The following PIF1 variants were observed in gnomAD, a reference collection of about 807,000 sequenced individuals.
PIF1 encodes PIF1 5'-to-3' DNA helicase, also known as ATP-dependent DNA helicase PIF1.
Under a neutral mutation model 62.3 loss-of-function variants are expected in PIF1, and 67 were observed. That is an observed-to-expected ratio of 1.08 (90% CI 0.88 to 1.32). The LOEUF is 1.32. Among genes scored for constraint, PIF1 ranks in the 40% most tolerant of loss-of-function variants. The probability of loss-of-function intolerance (pLI) is 0.00; values close to 1 mark genes in which losing one functional copy is unlikely to be tolerated. For missense variants in PIF1, 886 were observed against 866.1 expected (o/e 1.02, Z -0.29); for synonymous variants, 364 against 379.5 (o/e 0.96, Z 0.47).
At position 64,822,350 on chromosome 15, in the gene PIF1, G is replaced by C. The variant is rs2084302143; in HGVS notation, c.733C>G (p.Leu245Val). ...SYLLKRILGS[L>V]PPTGTVATAS... ...GTGGCCACAGTGCCTGTGGGGGGCA[G>C]TGAGCCCAGGATTCGCTTTAGCAGA... is the stretch of plus-strand genomic sequence containing the variant. The change falls in exon 4 of 13, where the codon CTG (leucine) becomes GTG (valine). Residue 245 changes from leucine (L) to valine (V), a missense_variant. Leu to Val is a conservative substitution (Grantham distance 32). Coordinates refer to ENST00000559239, the MANE Select transcript of PIF1 (RefSeq NM_001286496.2). 6.2e-7 allele frequency: 1 copy of C among 1,613,814 alleles called. No homozygotes were observed. The highest frequency in any genetic ancestry group is 1.1e-5 in the South Asian group (1 of 91,088).
Position 64,819,862 on chromosome 15 carries a change from G to A in PIF1, c.1318C>T (p.Leu440Phe). Residue 440 changes from leucine to phenylalanine, a missense_variant, in exon 8 of 13, where the codon CTT becomes TTT. Transcript: ENST00000559239. ...CCCTGCTCACCTGGCAGCTCCTGAA[G>A]CCGCCTCTCGTTGGTGAGGGCCACA... Reference protein sequence around the residue: ...DDVALTNERRLQELPGKVHRF... With the variant: ...DDVALTNERRFQELPGKVHRF... 2 of 1,613,496 alleles carry A rather than the reference G, an allele frequency of 1.2e-6. No homozygotes were observed. The highest frequency in any genetic ancestry group is 1.7e-6 in the Non-Finnish European group (2 of 1,180,030).
intron 11 of PIF1, 26 bp downstream of exon 11, chr15:64,817,920 T>TCCCTGC: frequency 6.3e-7 from 1 of 1,594,726 alleles, no homozygotes; most frequent in Non-Finnish European, 8.5e-7. Context: ...GCCCTCCCTG[T>TCCCTGC]CCCTGCCCCC....
In PIF1 at chr15:64,822,384, C is replaced by T. The variant is rs984009166; in HGVS notation, c.699G>A (p.Gly233=). Residue 233 remains glycine, a synonymous_variant, in exon 4 of 13, where the codon GGG becomes GGA. Coordinates refer to ENST00000559239, the MANE Select transcript of PIF1 (RefSeq NM_001286496.2). ...GGATTCGCTTTAGCAGATATGACTT[C>T]CCTGTTCCTGGACAGGGGCAAAGTT... ...SIFFTGSAGT[G]KSYLLKRILG... The T allele has an allele frequency of 6.2e-7, 1 of 1,614,130 alleles. No homozygotes were observed. The highest frequency in any genetic ancestry group is 1.3e-5 in the African/African-American group (1 of 75,046).
In PIF1 at chr15:64,821,174, C is replaced by T. The variant is rs1286693524; in HGVS notation, c.1079G>A (p.Cys360Tyr). Reference protein sequence around the residue: ...VTKGSQPPRFCFQSKSWKRCV... With the variant: ...VTKGSQPPRFYFQSKSWKRCV... ...CTAGGAGGTGAGTAATACCTGGAAG[C>T]AGAACCGTGGGGGCTGGGAGCCCTT... The change falls in exon 6 of 13, where the codon TGC (cysteine) becomes TAC (tyrosine). Residue 360 changes from cysteine (C) to tyrosine (Y), a missense_variant. Transcript: ENST00000559239. 2 of 1,614,064 alleles carry T rather than the reference C, an allele frequency of 1.2e-6. No individual in the cohort carries two copies. Among genetic ancestry groups the T allele is most frequent in the African/African-American group, 2.7e-5 (2 of 74,942 alleles).
chr15:64,815,768 T>C lies in PIF1; in HGVS notation c.*530A>G, dbSNP rs1283097847. The C allele has an allele frequency of 4.5e-6, 7 of 1,550,516 alleles. No individual in the cohort carries two copies. The East Asian group carries it at 1.5e-4, about 32-fold the overall frequency. On this transcript the variant is annotated 3_prime_UTR_variant, in exon 13 of 13. Transcript: ENST00000559239. The stretch of plus-strand genomic sequence containing the variant: ...TGCACATTTTGCAGCTTATGTTCTT[T>C]GGTTAGGCTCTGAAGGGTGTTTGTT...
Position 64,824,283 on chromosome 15 carries a change from C to G in PIF1, c.53G>C (p.Arg18Pro). The G allele has an allele frequency of 1.6e-6, 2 of 1,271,590 alleles. No homozygotes were observed. Among genetic ancestry groups the G allele is most frequent in the Non-Finnish European group, 9.9e-7 (1 of 1,007,172 alleles). 78.8% of individuals were successfully genotyped at this position (1,271,590 alleles called of 1,614,324 possible). A position where few individuals can be genotyped will look rare whatever the true frequency, so the allele number is the denominator to read the frequency against. The change falls in exon 2 of 13, where the codon CGG (arginine) becomes CCG (proline). Residue 18 changes from arginine to proline, a missense_variant. Transcript: ENST00000559239. ...CAGCTCCTCCACAGCCACGCGGCAC[C>G]GCAGCTCCGAGTCCTCATATTCCCC... The part of the protein sequence containing the change: ...AAGEYEDSEL[R>P]CRVAVEELSP...
Position 64,822,329 on chromosome 15 carries a change from C to T in PIF1, c.754G>A (p.Ala252Thr). 2 of 1,612,584 alleles carry T rather than the reference C, an allele frequency of 1.2e-6. No homozygotes were observed. The highest frequency in any genetic ancestry group is 1.7e-6 in the Non-Finnish European group (2 of 1,179,928). Reference protein sequence around the residue: ...LGSLPPTGTVATASTGVAACH... With the variant: ...LGSLPPTGTVTTASTGVAACH... ...GCTGCCACCCCAGTGCTGGCAGTGGCCACAGTGCCTGTGGGGGGCAGTGAG... is the reference window on the plus strand; with the variant it reads ...GCTGCCACCCCAGTGCTGGCAGTGGTCACAGTGCCTGTGGGGGGCAGTGAG... The change falls in exon 4 of 13, where the codon GCC (alanine) becomes ACC (threonine). Residue 252 changes from alanine to threonine, a missense_variant. By Grantham distance (58) the Ala-to-Thr change is moderately conservative (BLOSUM62 0). Transcript: ENST00000559239.
chr15:64,819,380 G>A (rs1315285992), intron 8 of PIF1, among the ~76,000 whole-genome samples, 157 bp from the exon 9 acceptor site: 2 of 152,204 alleles, frequency 1.3e-5, no homozygotes, highest in East Asian at 1.9e-4. Context: ...GCGTGATCTC[G>A]GCTCACTGCA....
upstream of PIF1, among the ~76,000 whole-genome samples, chr15:64,826,417 T>A (rs1180277231): frequency 2.0e-5 from 3 of 151,310 alleles, no homozygotes; most frequent in Non-Finnish European, 4.4e-5. Context: ...CTACCATGGA[T>A]TAAATTGCCC....
chr15:64,815,821 G>A lies in PIF1; in HGVS notation c.*477C>T, dbSNP rs1366457080. The A allele has an allele frequency of 3.9e-6, 6 of 1,550,514 alleles. No individual in the cohort carries two copies. Among genetic ancestry groups the A allele is most frequent in the East Asian group, 4.9e-5 (2 of 40,944 alleles). ...GGGCTGGGCTAGGCTGGGCCTAGCTGTAGAGACACACCTAAGTTCCGTTCT... is the reference window on the plus strand; with the variant it reads ...GGGCTGGGCTAGGCTGGGCCTAGCTATAGAGACACACCTAAGTTCCGTTCT... On this transcript the variant is annotated 3_prime_UTR_variant, in exon 13 of 13. Transcript: ENST00000559239.
At chr15:64,826,850 C>A (rs1233216107), upstream of PIF1, among the ~76,000 whole-genome samples, 1 of 150,978 alleles carries the variant, frequency 6.6e-6, no homozygotes, top group African/African-American at 2.4e-5. Context: ...CGTGGCCTCC[C>A]GAAGTCCTAG....
chr15:64,820,348 T>A (rs1487892967), intron 7 of PIF1, among the ~76,000 whole-genome samples: 1 of 152,204 alleles, frequency 6.6e-6, no homozygotes, highest in Non-Finnish European at 1.5e-5. Flanking sequence ...GGGTACAATC[T>A]TCTATCCACT....
upstream of PIF1, chr15:64,825,781 T>C (rs1341587276): frequency 6.6e-6 from 1 of 152,224 alleles, no homozygotes; most frequent in African/African-American, 2.4e-5. Flanking sequence ...CTCCAGGAGC[T>C]TGGGCTGTAC....
Position 64,821,488 on chromosome 15 carries a change from A to G in PIF1, c.850T>C (p.Cys284Arg), listed in dbSNP as rs118062397. 27,912 of 1,611,966 alleles carry G rather than the reference A, an allele frequency of 0.017. 345 individuals carry two copies. Among genetic ancestry groups the G allele is most frequent in the South Asian group, 0.04 (3,615 of 90,918 alleles). The change falls in exon 5 of 13, where the codon TGT becomes CGT. Residue 284 changes from cysteine to arginine, a missense_variant. By Grantham distance (180) the Cys-to-Arg change is radical. Transcript: ENST00000559239. The part of the protein sequence containing the change: ...IGSGQAPLAQ[C>R]VALAQRPGVR... ...CCTGGCCTTTGGGCCAGGGCCACAC[A>G]CTGGGCTAGAGGAGCCTGGCCTGAG...
chr15:64,824,022 A>C lies in PIF1; in HGVS notation c.314T>G (p.Leu105Arg). 7.7e-7 allele frequency: 1 copy of C among 1,290,908 alleles called. No homozygotes were observed. Among genetic ancestry groups the C allele is most frequent in the South Asian group, 2.4e-5 (1 of 41,734 alleles). The allele number at this position is 1,290,908 out of a possible 1,614,324, so 80.0% of individuals were successfully genotyped here. A position where few individuals can be genotyped will look rare whatever the true frequency, so the allele number is the denominator to read the frequency against. ...TPGAGAVQLL[L>R]SDCPPDRLRR... ...CAGGCGGTCTGGGGGGCAGTCCGAG[A>C]GCAGCAGCTGCACTGCGCCGGCCCC... Residue 105 changes from leucine (L) to arginine (R), a missense_variant, in exon 2 of 13, where the codon CTC becomes CGC. Physicochemically the swap from Leu to Arg is moderately radical, Grantham distance 102. Coordinates refer to ENST00000559239, the MANE Select transcript of PIF1 (RefSeq NM_001286496.2).
rs1326845399 is a variant in PIF1, at chr15:64,822,341, T to G, written c.742A>C (p.Thr248Pro). ...GTGCTGGCAGTGGCCACAGTGCCTG[T>G]GGGGGGCAGTGAGCCCAGGATTCGC... The part of the protein sequence containing the change: ...LKRILGSLPP[T>P]GTVATASTGV... Residue 248 changes from threonine (T) to proline (P), a missense_variant, in exon 4 of 13, where the codon ACA becomes CCA. Thr to Pro is a conservative substitution (Grantham distance 38). Coordinates refer to ENST00000559239, the MANE Select transcript of PIF1 (RefSeq NM_001286496.2). The G allele has an allele frequency of 6.2e-7, 1 of 1,613,798 alleles. No homozygotes were observed. Among genetic ancestry groups the G allele is most frequent in the East Asian group, 2.2e-5 (1 of 44,882 alleles).
In PIF1 at chr15:64,818,446, G is replaced by C. The variant is rs1420907107; in HGVS notation, c.1441-102C>G. ...AGGCTGAGGGCAGGGAGCTGTCATG[G>C]GGACACTGAATCCCAATCCTTAGCT... On this transcript the variant is annotated intron_variant, in intron 9 of 12. Transcript: ENST00000559239. The C allele has an allele frequency of 2.4e-5, 26 of 1,101,434 alleles. 1 individual carries two copies. Among genetic ancestry groups the C allele is most frequent in the Non-Finnish European group, 3.2e-5 (24 of 754,988 alleles). The allele number at this position is 1,101,434 out of a possible 1,614,324, so 68.2% of individuals were successfully genotyped here.
chr15:64,826,665 T>TATACACACAC (rs796684934), upstream of PIF1, among the ~76,000 whole-genome samples: 203 of 42,724 alleles, frequency 4.8e-3, 1 homozygote, highest in Non-Finnish European at 6.3e-3. Context: ...TATATATATA[T>TATACACACAC]ACACACACAC....
intron 2 of PIF1, chr15:64,823,566 G>T (rs534113912): frequency 1.2e-4 from 46 of 393,784 alleles, no homozygotes; most frequent in African/African-American, 8.7e-4. Flanking sequence ...TTTTAATGTA[G>T]CCAGGTCCCA....
Sources: allele counts gnomAD v4.1 joint callset (sites outside exome capture counted in the v4.1 genomes callset), GRCh38; gene constraint gnomAD v4.1.1; transcripts MANE v1.5; gene names NCBI Gene and HGNC (gene_info 2026-07-23, HGNC 2026-07-21).